Variants in ZFHX3 observed in about 807,000 individuals in gnomAD.
ZFHX3 encodes zinc finger homeobox 3.
A neutral mutation model predicts 279.1 loss-of-function variants in ZFHX3; 42 were observed. The ratio of observed to expected loss-of-function variants is 0.15; its 90% CI spans 0.12 to 0.19. The LOEUF (loss-of-function observed/expected upper bound fraction) is 0.19, where lower values mean the gene tolerates loss of function less well. Ranked by LOEUF, ZFHX3 falls within the 10% of genes least tolerant of loss-of-function variation. ZFHX3 has a pLI of 1.00. For missense variants in ZFHX3, 4,981 were observed against 4,754.0 expected (o/e 1.05, Z -1.40); for synonymous variants, 2,293 against 1,957.8 (o/e 1.17, Z -4.52).
chr16:73,534,953 G>A (rs1409739976), intron 2 of ZFHX3, among the ~76,000 whole-genome samples: 2 of 152,034 alleles, frequency 1.3e-5, no homozygotes, highest in Non-Finnish European at 2.9e-5. Flanking sequence ...CCCTTTTCAC[G>A]GGGAGAGGAA....
chr16:73,636,543 A>G (rs2052528766), intron 2 of ZFHX3, among the ~76,000 whole-genome samples: 1 of 152,166 alleles, frequency 6.6e-6, no homozygotes, highest in East Asian at 1.9e-4. Flanking sequence ...TGAAAATGAA[A>G]CCTGTTCAAC....
At chr16:73,602,125 T>G (rs574376321) in intron 2 of ZFHX3, among the ~76,000 whole-genome samples, 1 of 152,166 alleles carries the variant, frequency 6.6e-6, no homozygotes, top group East Asian at 1.9e-4. Context: ...GAGTGAGACC[T>G]TGTCTCAAAA....
At chr16:73,700,998 A>G (rs545463719) in intron 1 of ZFHX3, among the ~76,000 whole-genome samples, 48 of 152,322 alleles carry the variant, frequency 3.2e-4, no homozygotes, top group African/African-American at 1.1e-3. Context: ...TGTTCTTTTA[A>G]ACTTGCCCTT....
At chr16:73,795,937 T>A (rs1480997942) in intron 1 of ZFHX3, among the ~76,000 whole-genome samples, 1 of 152,170 alleles carries the variant, frequency 6.6e-6, no homozygotes, top group African/African-American at 2.4e-5. Context: ...ATGCTTTTAA[T>A]CTATAAAATT....
intron 4 of ZFHX3, among the ~76,000 whole-genome samples, chr16:73,291,846 G>A (rs781513436): frequency 6.6e-6 from 1 of 152,214 alleles, no homozygotes; most frequent in African/African-American, 2.4e-5. Flanking sequence ...CTTGGGGGCT[G>A]TCTCTGAGTA....
chr16:72,912,585 C>A (rs545266336), intron 3 of ZFHX3, among the ~76,000 whole-genome samples: 3 of 152,068 alleles, frequency 2.0e-5, no homozygotes, highest in African/African-American at 7.2e-5. Flanking sequence ...AAACTGTTTA[C>A]GTGCACTTAG....
At chr16:72,916,916 G>C (rs1218562109) in intron 3 of ZFHX3, among the ~76,000 whole-genome samples, 2 of 152,098 alleles carry the variant, frequency 1.3e-5, no homozygotes, top group Admixed American at 6.6e-5. Context: ...ATGTGATCTT[G>C]GCAGGGGAAA....
chr16:72,872,940 CAG>C (rs1436214903), intron 4 of ZFHX3, among the ~76,000 whole-genome samples: 2 of 152,200 alleles, frequency 1.3e-5, no homozygotes, highest in African/African-American at 4.8e-5. Context: ...GGCTCCCGAC[CAG>C]AGTCCTGAAC....
chr16:73,789,888 A>C (rs1207543195), intron 1 of ZFHX3, among the ~76,000 whole-genome samples: 2 of 152,218 alleles, frequency 1.3e-5, no homozygotes, highest in African/African-American at 4.8e-5. Flanking sequence ...AAAAAGGAGA[A>C]GTAAACAAGG....
chr16:73,154,315 G>A (rs966175318), intron 5 of ZFHX3, among the ~76,000 whole-genome samples: 1 of 152,192 alleles, frequency 6.6e-6, no homozygotes, highest in Non-Finnish European at 1.5e-5. Flanking sequence ...TTTTTCAGAA[G>A]TTTTGGAGTT....
chr16:73,858,720 G>A lies in ZFHX3; in HGVS notation c.-1608+32931C>T, dbSNP rs149823360. 2.9e-4 allele frequency among the ~76,000 whole-genome samples: 44 copies of A among 152,332 alleles called. No homozygotes were observed. The East Asian group carries it at 7.5e-3, about 26-fold the overall frequency. On this transcript the variant is annotated intron_variant, in intron 1 of 17. Coordinates refer to the ZFHX3 transcript ENST00000641206. Reference sequence around the variant, plus strand: ...AGATAACACAAAAGATGTCCAGGGAGCTTCAGCAAATGGAAGGTGATCACA... The same window carrying A: ...AGATAACACAAAAGATGTCCAGGGAACTTCAGCAAATGGAAGGTGATCACA...
At chr16:73,176,024 C>A (rs1967655435) in intron 5 of ZFHX3, among the ~76,000 whole-genome samples, 1 of 152,204 alleles carries the variant, frequency 6.6e-6, no homozygotes, top group African/African-American at 2.4e-5. Flanking sequence ...CCCCAACCCA[C>A]CTCGTCGGCT....
At chr16:73,252,190 C>G (rs1416005289) in intron 5 of ZFHX3, among the ~76,000 whole-genome samples, 1 of 152,064 alleles carries the variant, frequency 6.6e-6, no homozygotes, top group Non-Finnish European at 1.5e-5. Context: ...TGAAGGATTT[C>G]AACACAAAAG....
intron 3 of ZFHX3, among the ~76,000 whole-genome samples, chr16:72,900,336 T>C (rs1423100958): frequency 1.3e-5 from 2 of 152,162 alleles, no homozygotes; most frequent in Non-Finnish European, 2.9e-5. Flanking sequence ...AATTTGCTTA[T>C]TTGTATCTCC....
intron 1 of ZFHX3, among the ~76,000 whole-genome samples, chr16:73,018,781 CTG>C (rs1470309646): frequency 6.6e-6 from 1 of 152,176 alleles, no homozygotes; most frequent in Admixed American, 6.5e-5. Context: ...CTAAAACTGG[CTG>C]TCAGTTTCCT....
intron 3 of ZFHX3, among the ~76,000 whole-genome samples, chr16:73,328,532 G>A (rs2015737331): frequency 6.6e-6 from 1 of 152,118 alleles, no homozygotes; most frequent in South Asian, 2.1e-4. Context: ...ATGGGGAATT[G>A]GAGATTCAGA....
chr16:72,899,134 CT>C (rs934667814), intron 3 of ZFHX3, among the ~76,000 whole-genome samples: 2 of 152,206 alleles, frequency 1.3e-5, no homozygotes, highest in African/African-American at 4.8e-5. Context: ...TATTTTCCAG[CT>C]TTCCCAAATT....
intron 3 of ZFHX3, among the ~76,000 whole-genome samples, chr16:73,391,955 T>C (rs969723700): frequency 3.9e-5 from 6 of 152,022 alleles, no homozygotes; most frequent in African/African-American, 1.2e-4. Flanking sequence ...AAACAGAATA[T>C]ACTACATGGC....
At chr16:73,055,454 G>A (rs1039001724) in intron 1 of ZFHX3, among the ~76,000 whole-genome samples, 1 of 152,116 alleles carries the variant, frequency 6.6e-6, no homozygotes, top group Non-Finnish European at 1.5e-5. Context: ...AGCAGCTGTA[G>A]GGGTTTTGGC....
Sources: allele counts gnomAD v4.1 joint callset (sites outside exome capture counted in the v4.1 genomes callset), GRCh38; gene constraint gnomAD v4.1.1; transcripts MANE v1.5; gene names NCBI Gene and HGNC (gene_info 2026-07-23, HGNC 2026-07-21).